The following MFAP5 variants were observed in gnomAD, a reference collection of about 807,000 sequenced individuals.
MFAP5 encodes the protein microfibrillar-associated protein 5.
In MFAP5, 19 loss-of-function variants were observed where a neutral mutation model predicts 30.1. The ratio of observed to expected loss-of-function variants is 0.63; its 90% CI spans 0.44 to 0.93. The LOEUF is 0.93. MFAP5 is among the 40% of genes least tolerant of loss of function. The pLI, the probability that MFAP5 is intolerant of heterozygous loss-of-function variation, is 0.00. For synonymous variants in MFAP5, 92 were observed against 72.9 expected, an observed-to-expected ratio of 1.26 and a Z score of -1.33; for missense variants, 210 against 221.3, an observed-to-expected ratio of 0.95 and a Z score of 0.32.
Position 8,651,705 on chromosome 12 carries a change from A to G in MFAP5, c.218-14T>C, listed in dbSNP as rs773928263. 1 of 1,612,396 alleles carries G rather than the reference A, an allele frequency of 6.2e-7. No homozygotes were observed. The highest frequency in any genetic ancestry group is 1.7e-5 in the Admixed American group (1 of 60,014). On this transcript the variant is annotated splice_polypyrimidine_tract_variant and intron_variant, in intron 6 of 9. Coordinates refer to ENST00000359478, the MANE Select transcript of MFAP5 (RefSeq NM_003480.4). The stretch of plus-strand genomic sequence containing the variant: ...CACTGAGGGAGGCTGAAAGGCAGAA[A>G]TTTTATTCCACTGTTACCAATTCTA...
intron 2 of MFAP5, among the ~76,000 whole-genome samples, chr12:8,661,628 G>A (rs1315583870): frequency 2.0e-5 from 3 of 151,084 alleles, no homozygotes; most frequent in Non-Finnish European, 2.9e-5. Flanking sequence ...TCTCCACTCA[G>A]TCTCCCAAAG....
At chr12:8,658,533 A>G (rs1299252449) in intron 3 of MFAP5, 1 of 152,128 alleles carries the variant, frequency 6.6e-6, no homozygotes, top group East Asian at 1.9e-4. Context: ...AACCTGAATC[A>G]TTCCAGAGAC....
intron 3 of MFAP5, among the ~76,000 whole-genome samples, chr12:8,657,414 T>A (rs2136476305): frequency 6.6e-6 from 1 of 151,966 alleles, no homozygotes; most frequent in South Asian, 2.1e-4. Context: ...AGAGAAACCC[T>A]ATCTCAAAAA....
chr12:8,650,423 A>G (rs1446271873), intron 8 of MFAP5, 79 bp downstream of exon 8: 24 of 1,421,492 alleles, frequency 1.7e-5, no homozygotes, highest in Non-Finnish European at 2.2e-5. Flanking sequence ...GCAATTCCAT[A>G]GTGGGTGCTC....
chr12:8,651,613 C>G, intron 7 of MFAP5, 49 bp downstream of exon 7: 1 of 1,586,202 alleles, frequency 6.3e-7, no homozygotes, highest in Non-Finnish European at 8.7e-7. Flanking sequence ...GGTAAGGAAT[C>G]CACAGGAAGA....
chr12:8,648,292 G>T, intron 9 of MFAP5, 89 bp from the exon 10 acceptor site: 1 of 1,135,888 alleles, frequency 8.8e-7, no homozygotes, highest in Non-Finnish European at 1.3e-6. Flanking sequence ...TTTCAGTGTG[G>T]TGTAGTGAAA....
At chr12:8,660,724 G>A in intron 3 of MFAP5, 139 bp downstream of exon 3, 1 of 696,430 alleles carries the variant, frequency 1.4e-6, no homozygotes, top group Admixed American at 2.9e-5. Flanking sequence ...CTTTGGCAAT[G>A]CATCTCTTTG....
At chr12:8,651,735 T>C (rs1304307751) in intron 6 of MFAP5, 44 bp from the exon 7 acceptor site, 1 of 1,583,842 alleles carries the variant, frequency 6.3e-7, no homozygotes, top group Non-Finnish European at 8.7e-7. Flanking sequence ...ATTCTAGAAG[T>C]TACTACTTCT....
intron 9 of MFAP5, 149 bp from the exon 10 acceptor site, chr12:8,648,352 T>C: frequency 2.2e-6 from 2 of 888,942 alleles, no homozygotes; most frequent in Admixed American, 3.0e-5. Flanking sequence ...CCACTTACTT[T>C]AGTTATTTGC....
At chr12:8,649,101 A>C (rs979779920) in intron 9 of MFAP5, among the ~76,000 whole-genome samples, 1 of 152,152 alleles carries the variant, frequency 6.6e-6, no homozygotes, top group African/African-American at 2.4e-5. Context: ...AAATTAGTGC[A>C]TGTGCGTGTG....
intron 8 of MFAP5, 34 bp downstream of exon 8, chr12:8,650,468 G>A (rs1591565427): frequency 1.3e-6 from 2 of 1,589,052 alleles, no homozygotes; most frequent in Non-Finnish European, 1.7e-6. Flanking sequence ...CACTACCATG[G>A]AAGATGCTTT....
chr12:8,649,261 G>C (rs1307894800), intron 9 of MFAP5, among the ~76,000 whole-genome samples: 1 of 152,100 alleles, frequency 6.6e-6, no homozygotes, highest in East Asian at 1.9e-4. Flanking sequence ...GACACTGTGG[G>C]GTTACAATCT....
chr12:8,653,168 G>A (rs1449572163), intron 6 of MFAP5, among the ~76,000 whole-genome samples: 6 of 150,432 alleles, frequency 4.0e-5, no homozygotes, highest in Non-Finnish European at 8.9e-5. Flanking sequence ...CTCCAGCCTG[G>A]GCAACAAGAC....
At chr12:8,656,706 G>A (rs913135007) in intron 3 of MFAP5, among the ~76,000 whole-genome samples, 5 of 126,148 alleles carry the variant, frequency 4.0e-5, no homozygotes, top group African/African-American at 1.2e-4. Flanking sequence ...TCTGTCTGTC[G>A]CCCAGGCTGG....
At chr12:8,648,658 C>T (rs1378492625) in intron 9 of MFAP5, 3 of 565,222 alleles carry the variant, frequency 5.3e-6, no homozygotes, top group South Asian at 1.9e-5. Context: ...CTTGAAAGTG[C>T]CTAGAGTCCC....
intron 3 of MFAP5, among the ~76,000 whole-genome samples, chr12:8,657,082 G>A (rs187819210): frequency 6.6e-6 from 1 of 152,270 alleles, no homozygotes; most frequent in African/African-American, 2.4e-5. Context: ...CTTGACTGTA[G>A]TAACCATTTC....
At chr12:8,649,425 G>T in intron 9 of MFAP5, 76 bp downstream of exon 9, 1 of 1,353,460 alleles carries the variant, frequency 7.4e-7, no homozygotes. Flanking sequence ...CCAGACTTTG[G>T]ATATAGTAAT....
At chr12:8,653,060 T>C (rs750683261) in intron 6 of MFAP5, among the ~76,000 whole-genome samples, 2 of 151,760 alleles carry the variant, frequency 1.3e-5, no homozygotes, top group East Asian at 1.9e-4. Flanking sequence ...GGCTTGGTGG[T>C]GGGCGCCTGT....
At chr12:8,662,236 A>C (rs1942175176) in intron 1 of MFAP5, 130 bp from the exon 2 acceptor site, 4 of 677,040 alleles carry the variant, frequency 5.9e-6, no homozygotes, top group Non-Finnish European at 1.0e-5. Context: ...TTCCCTTATG[A>C]CTCAAACCCT....
Sources: allele counts gnomAD v4.1 joint callset (sites outside exome capture counted in the v4.1 genomes callset), GRCh38; gene constraint gnomAD v4.1.1; transcripts MANE v1.5; gene names NCBI Gene and HGNC (gene_info 2026-07-23, HGNC 2026-07-21).